BMAL1: variants seen among roughly 807,000 people sequenced by gnomAD.
BMAL1 encodes basic helix-loop-helix ARNT-like protein 1.
At chr11:13,293,380 T>C in the BMAL1 span, among the ~76,000 whole-genome samples, 2 of 152,196 alleles carry the variant, frequency 1.3e-5, no homozygotes, top group African/African-American at 4.8e-5. Context: ...CCCATAAATA[T>C]TTGCTTTATT....
At chr11:13,291,769 C>T in the BMAL1 span, among the ~76,000 whole-genome samples, 1 of 142,274 alleles carries the variant, frequency 7.0e-6, no homozygotes, top group African/African-American at 2.6e-5. Context: ...AATAAAAGGT[C>T]ACATGATTGG....
At chr11:13,321,978 C>G in the BMAL1 span, among the ~76,000 whole-genome samples, 1 of 152,078 alleles carries the variant, frequency 6.6e-6, no homozygotes, top group East Asian at 1.9e-4. Context: ...GTCTGGGGTT[C>G]GGGTGGTCCT....
At chr11:13,349,193 A>C in the BMAL1 span, among the ~76,000 whole-genome samples, 1 of 152,260 alleles carries the variant, frequency 6.6e-6, no homozygotes. Context: ...GCCCAGGTGC[A>C]CTTGAGATTC....
the BMAL1 span, among the ~76,000 whole-genome samples, chr11:13,381,801 A>C: frequency 1.2e-4 from 18 of 152,224 alleles, no homozygotes; most frequent in Non-Finnish European, 2.2e-4. Context: ...ATAAGACTAC[A>C]CTATAAATAG....
the BMAL1 span, among the ~76,000 whole-genome samples, chr11:13,317,531 A>G: frequency 6.6e-6 from 1 of 152,212 alleles, no homozygotes; most frequent in Admixed American, 6.5e-5. Context: ...CGTTATGGTA[A>G]ACAATACCTG....
At chr11:13,310,284 T>C in the BMAL1 span, among the ~76,000 whole-genome samples, 1 of 151,764 alleles carries the variant, frequency 6.6e-6, no homozygotes, top group African/African-American at 2.4e-5. Context: ...AACCAAGGGG[T>C]GCGGGGGATG....
At chr11:13,323,585 G>A in the BMAL1 span, among the ~76,000 whole-genome samples, 3 of 152,096 alleles carry the variant, frequency 2.0e-5, no homozygotes, top group Non-Finnish European at 2.9e-5. Flanking sequence ...TCATCTGTTT[G>A]CAATTCTTTT....
At chr11:13,361,521 C>T in the BMAL1 span, among the ~76,000 whole-genome samples, 1 of 152,160 alleles carries the variant, frequency 6.6e-6, no homozygotes. Flanking sequence ...AGAGGGTAGT[C>T]CATCTGGAAT....
chr11:13,345,885 T>C, the BMAL1 span, among the ~76,000 whole-genome samples: 1 of 152,228 alleles, frequency 6.6e-6, no homozygotes, highest in African/African-American at 2.4e-5. Context: ...CCTGCCTGTG[T>C]CTGTCAGCAT....
the BMAL1 span, among the ~76,000 whole-genome samples, chr11:13,306,017 G>A: frequency 2.0e-5 from 3 of 152,082 alleles, no homozygotes; most frequent in Non-Finnish European, 2.9e-5. Context: ...CAGCTGGTCT[G>A]CCTTCTTCAG....
chr11:13,355,397 A>G, the BMAL1 span: 1 of 1,140,058 alleles, frequency 8.8e-7, no homozygotes, highest in South Asian at 1.2e-5. Context: ...TCCCCAGCAG[A>G]AAGACTGCGA....
the BMAL1 span, chr11:13,356,592 T>G: frequency 2.2e-6 from 2 of 888,984 alleles, no homozygotes; most frequent in Non-Finnish European, 3.4e-6. Flanking sequence ...TGTTTTACCC[T>G]TATTATACAT....
At chr11:13,363,793 C>T in the BMAL1 span, among the ~76,000 whole-genome samples, 9 of 152,228 alleles carry the variant, frequency 5.9e-5, no homozygotes, top group Non-Finnish European at 1.3e-4. Context: ...GACCCTGCCA[C>T]TGGCTGGCCC....
At chr11:13,376,426 A>G in the BMAL1 span, 30 of 589,302 alleles carry the variant, frequency 5.1e-5, no homozygotes, top group East Asian at 7.5e-4. Flanking sequence ...TGTCCCACAC[A>G]TATTAGGAAG....
At chr11:13,291,881 CTTT>C in the BMAL1 span, among the ~76,000 whole-genome samples, 1 of 152,028 alleles carries the variant, frequency 6.6e-6, no homozygotes, top group South Asian at 2.1e-4. Flanking sequence ...AATCCCAAGG[CTTT>C]AATAGATGAT....
At chr11:13,367,863 G>T in the BMAL1 span, among the ~76,000 whole-genome samples, 1 of 152,134 alleles carries the variant, frequency 6.6e-6, no homozygotes, top group Non-Finnish European at 1.5e-5. Flanking sequence ...TCTTTGGGTT[G>T]TTGTGAGGAT....
the BMAL1 span, among the ~76,000 whole-genome samples, chr11:13,370,970 T>C: frequency 3.4e-3 from 520 of 152,330 alleles, 19 homozygotes; most frequent in East Asian, 0.083. Flanking sequence ...TCCCTTCACA[T>C]GGCTCTCTCC....
chr11:13,372,788 G>A, the BMAL1 span, among the ~76,000 whole-genome samples: 16,324 of 152,122 alleles, frequency 0.11, 966 homozygotes, highest in Middle Eastern at 0.14. Context: ...TTCCGCCTGG[G>A]CAACAGAGTG....
At chr11:13,337,243 C>T in the BMAL1 span, among the ~76,000 whole-genome samples, 1 of 151,984 alleles carries the variant, frequency 6.6e-6, no homozygotes, top group Non-Finnish European at 1.5e-5. Flanking sequence ...CCCATCTCAC[C>T]AGTTGGAGAT....
Sources: allele counts gnomAD v4.1 joint callset (sites outside exome capture counted in the v4.1 genomes callset), GRCh38; gene constraint gnomAD v4.1.1; transcripts MANE v1.5; gene names NCBI Gene and HGNC (gene_info 2026-07-23, HGNC 2026-07-21).